The following TENM3 variants were observed in gnomAD, a reference collection of about 807,000 sequenced individuals.
The protein encoded by TENM3 is teneurin-3.
Under a neutral mutation model 255.1 loss-of-function variants are expected in TENM3, and 63 were observed. The ratio of observed to expected loss-of-function variants is 0.25; its 90% CI spans 0.20 to 0.30. The LOEUF (loss-of-function observed/expected upper bound fraction) is 0.30, where lower values mean the gene tolerates loss of function less well. Among genes scored for constraint, TENM3 ranks in the 10% least tolerant of loss-of-function variants. TENM3 has a pLI of 1.00. For synonymous variants in TENM3, 1,306 were observed against 1,322.3 expected, an observed-to-expected ratio of 0.99 and a Z score of 0.27; for missense variants, 2,929 against 3,461.1, an observed-to-expected ratio of 0.85 and a Z score of 3.86.
chr4:182,747,626 TTAAC>T (rs1762097359), intron 19 of TENM3, among the ~76,000 whole-genome samples: 1 of 152,310 alleles, frequency 6.6e-6, no homozygotes, highest in East Asian at 1.9e-4. Flanking sequence ...ATTACATTAA[TTAAC>T]TAATACCAGC....
At chr4:182,442,676 C>T (rs1438268915) in intron 3 of TENM3, among the ~76,000 whole-genome samples, 2 of 152,100 alleles carry the variant, frequency 1.3e-5, no homozygotes, top group East Asian at 3.9e-4. Flanking sequence ...ACTGCAACCT[C>T]CACCTCCGAG....
chr4:181,886,772 G>A, the TENM3 span, among the ~76,000 whole-genome samples: 1 of 151,988 alleles, frequency 6.6e-6, no homozygotes, highest in Non-Finnish European at 1.5e-5. Context: ...ATTGTTACTG[G>A]TTTAATTTTG....
the TENM3 span, among the ~76,000 whole-genome samples, chr4:181,885,837 C>G: frequency 6.6e-6 from 1 of 152,148 alleles, no homozygotes; most frequent in Admixed American, 6.5e-5. Context: ...TGTATTTTCA[C>G]TGGGCCATTC....
At chr4:181,631,357 T>G in the TENM3 span, among the ~76,000 whole-genome samples, 3,387 of 152,252 alleles carry the variant, frequency 0.022, 61 homozygotes, top group Admixed American at 0.059. Context: ...TGGCACAATC[T>G]TGGCTCACCG....
chr4:181,845,424 A>G, the TENM3 span, among the ~76,000 whole-genome samples: 1 of 152,230 alleles, frequency 6.6e-6, no homozygotes, highest in East Asian at 1.9e-4. Context: ...AAATGCTAGA[A>G]TGTGAAATCT....
intron 3 of TENM3, among the ~76,000 whole-genome samples, chr4:182,394,386 G>A (rs1185098024): frequency 1.3e-5 from 2 of 152,062 alleles, no homozygotes; most frequent in Non-Finnish European, 2.9e-5. Context: ...CAAAAGTTAC[G>A]AATTAGTATG....
intron 12 of TENM3, among the ~76,000 whole-genome samples, chr4:182,708,690 C>T (rs1183743285): frequency 6.6e-6 from 1 of 151,568 alleles, no homozygotes; most frequent in Non-Finnish European, 1.5e-5. Flanking sequence ...CCCAGCTACT[C>T]AGGAGGCTGA....
At chr4:182,784,634 C>T (rs1341473582) in intron 24 of TENM3, among the ~76,000 whole-genome samples, 39 of 151,584 alleles carry the variant, frequency 2.6e-4, no homozygotes, top group Non-Finnish European at 4.3e-4. Context: ...TGGGCAATGG[C>T]GGGCGCCCCT....
chr4:182,757,382 T>C (rs527253956), intron 22 of TENM3, among the ~76,000 whole-genome samples: 4 of 150,634 alleles, frequency 2.7e-5, no homozygotes, highest in African/African-American at 9.8e-5. Context: ...TTCAGTTTAG[T>C]TGAAAGTGGG....
chr4:182,623,752 C>T (rs554924817), intron 4 of TENM3, among the ~76,000 whole-genome samples: 1 of 152,254 alleles, frequency 6.6e-6, no homozygotes, highest in East Asian at 1.9e-4. Flanking sequence ...TTACACTCTT[C>T]TCCACTAAGA....
chr4:181,692,084 CATGGATG>C, the TENM3 span, among the ~76,000 whole-genome samples: 2 of 152,140 alleles, frequency 1.3e-5, no homozygotes, highest in Admixed American at 6.5e-5. Flanking sequence ...TTAGTTGGCA[CATGGATG>C]AACGAATTGA....
At chr4:181,787,641 A>C in the TENM3 span, among the ~76,000 whole-genome samples, 2 of 152,188 alleles carry the variant, frequency 1.3e-5, no homozygotes, top group South Asian at 4.2e-4. Flanking sequence ...CACCTGGCCC[A>C]TCCATCCTTA....
chr4:181,580,046 G>A, the TENM3 span, among the ~76,000 whole-genome samples: 3 of 151,354 alleles, frequency 2.0e-5, no homozygotes, highest in South Asian at 2.1e-4. Flanking sequence ...TGCCCAGGCT[G>A]GAGTGCAGTG....
chr4:182,031,609 TG>T, the TENM3 span, among the ~76,000 whole-genome samples: 1 of 152,142 alleles, frequency 6.6e-6, no homozygotes, highest in Non-Finnish European at 1.5e-5. Context: ...GTAGTTTGAT[TG>T]GAATAGTATT....
the TENM3 span, among the ~76,000 whole-genome samples, chr4:181,970,588 T>G: frequency 6.6e-6 from 1 of 152,182 alleles, no homozygotes; most frequent in African/African-American, 2.4e-5. Flanking sequence ...CCACCTCCTT[T>G]ATGTGATCGT....
At chr4:182,529,949 G>C (rs1227816420) in intron 3 of TENM3, among the ~76,000 whole-genome samples, 1 of 152,202 alleles carries the variant, frequency 6.6e-6, no homozygotes, top group Non-Finnish European at 1.5e-5. Context: ...CTTGCCAGTG[G>C]GTTTTTATGT....
At chr4:182,338,310 G>C (rs969501217) in intron 2 of TENM3, among the ~76,000 whole-genome samples, 5 of 152,080 alleles carry the variant, frequency 3.3e-5, no homozygotes, top group Non-Finnish European at 7.4e-5. Flanking sequence ...ATAATGTTTT[G>C]CTGGATAAAG....
the TENM3 span, among the ~76,000 whole-genome samples, chr4:181,932,786 T>C: frequency 1.3e-5 from 2 of 152,118 alleles, no homozygotes; most frequent in African/African-American, 2.4e-5. Flanking sequence ...AATGATAGAC[T>C]GGATAAAGAA....
At chr4:182,276,449 A>G (rs1248697886) in intron 1 of TENM3, among the ~76,000 whole-genome samples, 1 of 152,220 alleles carries the variant, frequency 6.6e-6, no homozygotes, top group Admixed American at 6.5e-5. Flanking sequence ...TGAAAAGAGC[A>G]TAAGGTTTCC....
Sources: gnomAD v4.1 joint callset for allele counts (sites outside exome capture counted in the v4.1 genomes callset) on GRCh38, gnomAD v4.1.1 for gene constraint, MANE v1.5 for transcripts, NCBI Gene and HGNC (gene_info 2026-07-23, HGNC 2026-07-21) for gene names.